Variants in CHID1 observed in about 807,000 individuals in gnomAD.
CHID1 encodes chitinase domain-containing protein 1.
A neutral mutation model predicts 55.4 loss-of-function variants in CHID1; 44 were observed. That is an observed-to-expected ratio of 0.79 (90% CI 0.62 to 1.02). CHID1 has a LOEUF of 1.02. Ranked by LOEUF, CHID1 falls within the 50% of genes least tolerant of loss-of-function variation. CHID1 has a pLI of 0.00. For missense variants in CHID1, 491 were observed against 515.3 expected (o/e 0.95, Z 0.46); for synonymous variants, 216 against 212.9 (o/e 1.01, Z -0.13).
intron 10 of CHID1, among the ~76,000 whole-genome samples, chr11:881,565 T>C (rs9736852): frequency 0.55 from 1,751 of 3,184 alleles, 447 homozygotes; most frequent in Middle Eastern, 0.71. Context: ...GGGCGGTAGG[T>C]TGGGTGGTGA....
chr11:910,515 C>T (rs1453604250), intron 1 of CHID1: 4 of 844,782 alleles, frequency 4.7e-6, no homozygotes, highest in South Asian at 2.0e-5. Flanking sequence ...CCCCGACACG[C>T]GCCCCCGTCC....
chr11:911,046 C>G (rs1852654125), upstream of CHID1: 1 of 153,810 alleles, frequency 6.5e-6, no homozygotes, highest in African/African-American at 2.4e-5. Context: ...AGCTGGTTAT[C>G]AGGTTCCCGG....
chr11:883,614 C>A (rs113128154), intron 9 of CHID1, among the ~76,000 whole-genome samples: 2,137 of 152,302 alleles, frequency 0.014, 62 homozygotes, highest in African/African-American at 0.049. Context: ...GACAACACAC[C>A]CAGGGCCAGG....
chr11:898,020 C>T (rs940071756), intron 7 of CHID1, among the ~76,000 whole-genome samples: 69 of 152,312 alleles, frequency 4.5e-4, no homozygotes, highest in African/African-American at 1.5e-3. Flanking sequence ...GCCAGTGAGT[C>T]CCTCAGAGCA....
upstream of CHID1, chr11:914,415 G>T (rs184939511): frequency 2.8e-4 from 211 of 747,816 alleles, 1 homozygote; most frequent in African/African-American, 3.5e-3. Context: ...CCGTGGGCAT[G>T]GGGGGGACAG....
intron 8 of CHID1, among the ~76,000 whole-genome samples, chr11:885,044 G>A (rs1224952737): frequency 1.3e-5 from 2 of 152,234 alleles, no homozygotes; most frequent in East Asian, 3.8e-4. Context: ...AGGGGGCGGA[G>A]GGCCCCACGG....
intron 10 of CHID1, among the ~76,000 whole-genome samples, chr11:880,273 G>A (rs946349500): frequency 6.6e-6 from 1 of 152,192 alleles, no homozygotes; most frequent in Non-Finnish European, 1.5e-5. Flanking sequence ...TCTTCGCCCC[G>A]CCTGATGCCC....
intron 1 of CHID1, among the ~76,000 whole-genome samples, chr11:906,281 C>T (rs1436834036): frequency 6.6e-6 from 1 of 151,036 alleles, no homozygotes; most frequent in Non-Finnish European, 1.5e-5. Context: ...GCTATGTCAC[C>T]ACACTGGAGT....
chr11:877,533 G>A (rs776340212), intron 10 of CHID1, among the ~76,000 whole-genome samples: 5 of 152,348 alleles, frequency 3.3e-5, no homozygotes, highest in Non-Finnish European at 7.3e-5. Flanking sequence ...GGTGTGAGCT[G>A]TTGCGCCAAG....
chr11:883,348 C>T (rs376250608), intron 9 of CHID1, 45 bp from the exon 10 acceptor site: 137 of 1,574,222 alleles, frequency 8.7e-5, no homozygotes, highest in Non-Finnish European at 1.0e-4. Context: ...GGGAGGGCCC[C>T]GCACCTGAGC....
At chr11:906,679 G>A (rs1031069145) in intron 1 of CHID1, among the ~76,000 whole-genome samples, 1 of 152,196 alleles carries the variant, frequency 6.6e-6, no homozygotes, top group African/African-American at 2.4e-5. Context: ...AAAGCATGTA[G>A]GGAGGGGTGG....
At chr11:870,730 C>G in intron 10 of CHID1, 1 of 514,074 alleles carries the variant, frequency 1.9e-6, no homozygotes. Flanking sequence ...TCGGAAGAAG[C>G]CACCCCACCA....
chr11:894,434 G>A (rs558563982), intron 7 of CHID1, among the ~76,000 whole-genome samples: 2 of 152,320 alleles, frequency 1.3e-5, no homozygotes, highest in Admixed American at 6.5e-5. Flanking sequence ...CAGGCCGGCC[G>A]TGTGCACACG....
At chr11:914,867 G>C (rs1359282132), upstream of CHID1, 1 of 327,856 alleles carries the variant, frequency 3.1e-6, no homozygotes, top group Non-Finnish European at 6.0e-6. Flanking sequence ...CATTTGCAGA[G>C]TCAGCACAGG....
At chr11:888,808 C>T (rs536081231) in intron 8 of CHID1, among the ~76,000 whole-genome samples, 2 of 152,156 alleles carry the variant, frequency 1.3e-5, no homozygotes, top group South Asian at 2.1e-4. Flanking sequence ...CACTCGGCCT[C>T]GACTGGACCC....
intron 8 of CHID1, among the ~76,000 whole-genome samples, chr11:884,372 G>A (rs911870273): frequency 2.0e-5 from 3 of 152,182 alleles, no homozygotes; most frequent in African/African-American, 7.2e-5. Context: ...TGTGGTCATC[G>A]GGGCCCAGAG....
At chr11:879,701 C>T (rs773739380) in intron 10 of CHID1, among the ~76,000 whole-genome samples, 1 of 152,232 alleles carries the variant, frequency 6.6e-6, no homozygotes, top group Non-Finnish European at 1.5e-5. Flanking sequence ...GGTGGCGACT[C>T]AAGGCCAACA....
At chr11:891,691 G>A (rs1229897281) in intron 8 of CHID1, among the ~76,000 whole-genome samples, 2 of 152,156 alleles carry the variant, frequency 1.3e-5, no homozygotes, top group African/African-American at 2.4e-5. Flanking sequence ...GCTGCCCCGA[G>A]GAATCTTCAC....
rs1018100771 is a variant in CHID1 at position 878,563 on chromosome 11, A to T, written c.959+4585T>A. ...GGGCAACAAGAGTGAAATTCTGTCT[A>T]AAAAAAAAAAAAATTCCTTTTCTTT... On this transcript the variant is annotated intron_variant, in intron 10 of 12. Transcript: ENST00000323578. 8.3e-5 allele frequency among the ~76,000 whole-genome samples: 12 copies of T among 143,846 alleles called. No homozygotes were observed. The East Asian group carries it at 2.4e-3, about 29-fold the overall frequency. The allele number at this position is 143,846 out of a possible 152,430, so 94.4% of individuals were successfully genotyped here. A position where few individuals can be genotyped will look rare whatever the true frequency, so the allele number is the denominator to read the frequency against.
Sources: allele counts gnomAD v4.1 joint callset (sites outside exome capture counted in the v4.1 genomes callset), GRCh38; gene constraint gnomAD v4.1.1; transcripts MANE v1.5; gene names NCBI Gene and HGNC (gene_info 2026-07-23, HGNC 2026-07-21).